CEP57: variants seen among roughly 807,000 people sequenced by gnomAD.
CEP57 encodes centrosomal protein of 57 kDa.
CEP57 carries 40 observed loss-of-function variants against 68.0 expected under a neutral mutation model. That is an observed-to-expected ratio of 0.59 (90% CI 0.46 to 0.77). CEP57 has a LOEUF of 0.77. Ranked by LOEUF, CEP57 falls within the 30% of genes least tolerant of loss-of-function variation. The probability of loss-of-function intolerance (pLI) is 0.00; values close to 1 mark genes in which losing one functional copy is unlikely to be tolerated. For synonymous variants in CEP57, 219 were observed against 198.7 expected, an observed-to-expected ratio of 1.10 and a Z score of -0.86; for missense variants, 606 against 580.7, an observed-to-expected ratio of 1.04 and a Z score of -0.45.
At chr11:95,811,846 A>T (rs1406546035) in intron 2 of CEP57, among the ~76,000 whole-genome samples, 1 of 152,192 alleles carries the variant, frequency 6.6e-6, no homozygotes, top group Non-Finnish European at 1.5e-5. Context: ...TGACCCAGTA[A>T]CTTTTTAGTT....
intron 2 of CEP57, among the ~76,000 whole-genome samples, chr11:95,812,252 TTTAA>T (rs1406183243): frequency 2.6e-5 from 4 of 152,080 alleles, no homozygotes; most frequent in Non-Finnish European, 4.4e-5. Context: ...ATTTACTAAT[TTTAA>T]TTAATAAGTA....
Position 95,821,187 on chromosome 11 carries a change from C to T in CEP57, c.700-684C>T, listed in dbSNP as rs535388682. 2.0e-4 allele frequency among the ~76,000 whole-genome samples: 30 copies of T among 152,218 alleles called. 1 individual carries two copies. Among genetic ancestry groups the T allele is most frequent in the Middle Eastern group, 3.4e-3 (1 of 294 alleles). On this transcript the variant is annotated intron_variant, in intron 6 of 10. Coordinates refer to ENST00000325542, the MANE Select transcript of CEP57 (RefSeq NM_014679.5). ...AGGCAGATTTGAAACAAACACTATT[C>T]CAGACAGGTTTTTTGTTTTGTTTTG...
intron 10 of CEP57, among the ~76,000 whole-genome samples, chr11:95,830,131 T>A (rs1446611791): frequency 1.3e-5 from 2 of 152,232 alleles, no homozygotes; most frequent in East Asian, 3.8e-4. Context: ...GTATATCTTC[T>A]CATTTAATTT....
intron 8 of CEP57, chr11:95,826,365 A>G (rs553586250): frequency 6.6e-6 from 1 of 152,388 alleles, no homozygotes; most frequent in African/African-American, 2.4e-5. Context: ...GTTCTCAGTT[A>G]CATAAGTGGG....
chr11:95,831,157 G>C lies in CEP57; in HGVS notation c.1404G>C (p.Leu468=), dbSNP rs2135384476. The C allele has an allele frequency of 6.2e-7, 1 of 1,613,416 alleles. No individual in the cohort carries two copies. The highest frequency in any genetic ancestry group is 8.5e-7 in the Non-Finnish European group (1 of 1,179,576). ...GTTNKKDFMK[L]RPGEKRRKNL... ...CAAATAAGAAAGATTTTATGAAACTGAGACCTGGAGAAAAAAGGAGAAAAA... is the reference window on the plus strand; with the variant it reads ...CAAATAAGAAAGATTTTATGAAACTCAGACCTGGAGAAAAAAGGAGAAAAA... The change falls in exon 11 of 11, where the codon CTG becomes CTC. Residue 468 remains leucine (L), a synonymous_variant. Coordinates refer to ENST00000325542, the MANE Select transcript of CEP57 (RefSeq NM_014679.5).
At chr11:95,794,282 A>G (rs1339901418) in intron 1 of CEP57, 2 of 455,956 alleles carry the variant, frequency 4.4e-6, no homozygotes, top group Admixed American at 2.3e-5. Flanking sequence ...ACTGTGACTC[A>G]ACCCGTATCA....
chr11:95,802,077 C>T (rs1229624758), intron 2 of CEP57, among the ~76,000 whole-genome samples: 1 of 151,852 alleles, frequency 6.6e-6, no homozygotes, highest in Non-Finnish European at 1.5e-5. Context: ...CAAGAGAGTT[C>T]AGAAAAGACA....
chr11:95,791,648 C>T (rs1861083919), intron 1 of CEP57, among the ~76,000 whole-genome samples: 1 of 152,094 alleles, frequency 6.6e-6, no homozygotes, highest in Non-Finnish European at 1.5e-5. Context: ...GAAGTGCTAC[C>T]GTAGTAGAAT....
chr11:95,790,218 G>T (rs1447097987), upstream of CEP57: 2 of 184,534 alleles, frequency 1.1e-5, no homozygotes, highest in Non-Finnish European at 2.3e-5. Flanking sequence ...GGGAACTCGT[G>T]GAGTGCTTTA....
rs557351073 is a variant in CEP57 at position 95,803,822 on chromosome 11, G to A, written c.202+4434G>A. Reference sequence around the variant, plus strand: ...GAACCAGTTCTGGCTTTGATGTTTCGGACAAAAGTCCCAAGAAGACAAGCA... The same window carrying A: ...GAACCAGTTCTGGCTTTGATGTTTCAGACAAAAGTCCCAAGAAGACAAGCA... On this transcript the variant is annotated intron_variant, in intron 2 of 10. Coordinates refer to ENST00000325542, the MANE Select transcript of CEP57 (RefSeq NM_014679.5). Among the ~76,000 whole-genome samples the A allele has an allele frequency of 5.8e-4, 88 of 151,330 alleles. 2 individuals are homozygous for A. In the South Asian group the frequency reaches 9.8e-3, roughly 17 times the overall value.
intron 1 of CEP57, among the ~76,000 whole-genome samples, chr11:95,798,374 A>G (rs1861434568): frequency 6.6e-6 from 1 of 152,226 alleles, no homozygotes; most frequent in Non-Finnish European, 1.5e-5. Context: ...TGTTTTAAAT[A>G]TTCATTGTGC....
chr11:95,792,175 T>A (rs1323546869), intron 1 of CEP57, among the ~76,000 whole-genome samples: 1 of 152,188 alleles, frequency 6.6e-6, no homozygotes, highest in Non-Finnish European at 1.5e-5. Flanking sequence ...AATTTAAGGT[T>A]ATTCAGGATT....
chr11:95,807,650 G>A (rs940110148), intron 2 of CEP57, among the ~76,000 whole-genome samples: 5 of 152,086 alleles, frequency 3.3e-5, no homozygotes, highest in East Asian at 1.9e-4. Context: ...GAAATGAAGC[G>A]AGAAGAGAAG....
At chr11:95,798,458 T>G (rs1420420648) in intron 1 of CEP57, among the ~76,000 whole-genome samples, 2 of 152,240 alleles carry the variant, frequency 1.3e-5, no homozygotes, top group Non-Finnish European at 2.9e-5. Flanking sequence ...AAACATAGTT[T>G]GCTGTGGCCG....
At position 95,809,450 on chromosome 11, in the gene CEP57, T is replaced by G. The variant is rs150901423; in HGVS notation, c.203-3482T>G. 5.5e-3 allele frequency among the ~76,000 whole-genome samples: 837 copies of G among 152,178 alleles called. 12 individuals carry two copies. The highest frequency in any genetic ancestry group is 0.019 in the African/African-American group (802 of 41,500). On this transcript the variant is annotated intron_variant, in intron 2 of 10. Coordinates refer to ENST00000325542, the MANE Select transcript of CEP57 (RefSeq NM_014679.5). Reference sequence around the variant, plus strand: ...GAAAAGATCAAAATTGATAGACCACTAGCAAGACTAATAAAGAAGTAAAGC... The same window carrying G: ...GAAAAGATCAAAATTGATAGACCACGAGCAAGACTAATAAAGAAGTAAAGC...
chr11:95,831,375 AAGGACCC>A lies in CEP57; in HGVS notation c.*123_*129del. ...TGGAATTAATTAATAGCAGGTGTTA[AAGGACCC>A]AGGCTTCATTACACAGGCTTTTCAT... On this transcript the variant is annotated 3_prime_UTR_variant, in exon 11 of 11. Coordinates refer to ENST00000325542, the MANE Select transcript of CEP57 (RefSeq NM_014679.5). 2.7e-6 allele frequency: 2 copies of A among 751,160 alleles called. No homozygotes were observed. The highest frequency in any genetic ancestry group is 4.6e-6 in the Non-Finnish European group (2 of 433,000). 46.5% of individuals were successfully genotyped at this position (751,160 alleles called of 1,614,324 possible).
In CEP57 at chr11:95,823,560, T is replaced by A. The variant is rs183277840; in HGVS notation, c.885+984T>A. 3.3e-3 allele frequency among the ~76,000 whole-genome samples: 501 copies of A among 152,048 alleles called. 4 individuals carry two copies. Among genetic ancestry groups the A allele is most frequent in the African/African-American group, 0.01 (430 of 41,438 alleles). On this transcript the variant is annotated intron_variant, in intron 8 of 10. Transcript: ENST00000325542. ...CCATAAAATATACACAAGTTTTTTT[T>A]AATTATAATTTATCAAAACAATTTG...
At chr11:95,802,163 A>T (rs1861607384) in intron 2 of CEP57, among the ~76,000 whole-genome samples, 1 of 152,184 alleles carries the variant, frequency 6.6e-6, no homozygotes, top group South Asian at 2.1e-4. Context: ...ACGAAATAAT[A>T]GATAATCTGA....
chr11:95,795,413 C>T (rs1861298481), intron 1 of CEP57: 1 of 397,350 alleles, frequency 2.5e-6, no homozygotes, highest in South Asian at 1.1e-4. Context: ...AGACTTAATT[C>T]TCATAATTGA....
Sources: gnomAD v4.1 joint callset for allele counts (sites outside exome capture counted in the v4.1 genomes callset) on GRCh38, gnomAD v4.1.1 for gene constraint, MANE v1.5 for transcripts, NCBI Gene and HGNC (gene_info 2026-07-23, HGNC 2026-07-21) for gene names.